The following CYFIP2 variants were observed in gnomAD, a reference collection of about 807,000 sequenced individuals.
CYFIP2 encodes the protein cytoplasmic FMR1 interacting protein 2.
A neutral mutation model predicts 158.7 loss-of-function variants in CYFIP2; 29 were observed. The observed-to-expected ratio is 0.18, with a 90% CI of 0.14 to 0.25. The LOEUF (loss-of-function observed/expected upper bound fraction) is 0.25, where lower values mean the gene tolerates loss of function less well. Ranked by LOEUF, CYFIP2 falls within the 10% of genes least tolerant of loss-of-function variation. The probability of loss-of-function intolerance (pLI) is 1.00; values close to 1 mark genes in which losing one functional copy is unlikely to be tolerated. For synonymous variants in CYFIP2, 585 were observed against 617.6 expected, an observed-to-expected ratio of 0.95 and a Z score of 0.78; for missense variants, 852 against 1,639.5, an observed-to-expected ratio of 0.52 and a Z score of 8.29.
At chr5:157,390,455 GCTCC>G in intron 29 of CYFIP2, 62 bp from the exon 30 acceptor site, 40 of 1,391,642 alleles carry the variant, frequency 2.9e-5, no homozygotes, top group East Asian at 5.0e-5. Context: ...CCAAGATGAG[GCTCC>G]CTCCCTCCCT....
intron 21 of CYFIP2, among the ~76,000 whole-genome samples, chr5:157,337,409 C>T (rs1189490483): frequency 6.6e-6 from 1 of 152,210 alleles, no homozygotes; most frequent in African/African-American, 2.4e-5. Context: ...TCCACCTTTA[C>T]CTGGGCAGGG....
chr5:157,327,883 A>G (rs1188444049), intron 18 of CYFIP2, 90 bp from the exon 19 acceptor site: 2 of 1,278,260 alleles, frequency 1.6e-6, no homozygotes, highest in East Asian at 2.4e-5. Context: ...ACTCTGGGCA[A>G]TCCTGCCTGA....
intron 1 of CYFIP2, among the ~76,000 whole-genome samples, chr5:157,277,876 C>T (rs1756688680): frequency 6.6e-6 from 1 of 152,198 alleles, no homozygotes; most frequent in African/African-American, 2.4e-5. Flanking sequence ...TAGCCTACTA[C>T]ACACCTAGGC....
In CYFIP2 at chr5:157,361,704, AG is replaced by A; in HGVS notation, c.3039+107del. 1 of 1,376,996 alleles carries A rather than the reference AG, an allele frequency of 7.3e-7. No homozygotes were observed. The highest frequency in any genetic ancestry group is 1.0e-6 in the Non-Finnish European group (1 of 1,002,032). 85.3% of individuals were successfully genotyped at this position (1,376,996 alleles called of 1,614,324 possible). A position where few individuals can be genotyped will look rare whatever the true frequency, so the allele number is the denominator to read the frequency against. ...AGCATTGATTTGTGCTTTGAGTACA[AG>A]CTCACATGCTCTTTTCAGTTCATTT... is the stretch of plus-strand genomic sequence containing the variant. On this transcript the variant is annotated intron_variant, in intron 26 of 30. Transcript: ENST00000620254. The surrounding 1 kb of genome is among the most constrained non-coding windows in gnomAD (Gnocchi z 4.4).
intron 1 of CYFIP2, among the ~76,000 whole-genome samples, chr5:157,284,837 C>G (rs1454179038): frequency 6.6e-6 from 1 of 152,134 alleles, no homozygotes; most frequent in East Asian, 1.9e-4. Flanking sequence ...GTTTAATTAG[C>G]CTAAAAACCC....
rs137966198 is a variant in CYFIP2 at position 157,382,700 on chromosome 5, G to A, written c.3112+38G>A. The A allele has an allele frequency of 9.8e-4, 1,567 of 1,595,904 alleles. 9 individuals carry two copies. The highest frequency in any genetic ancestry group is 2.2e-3 in the Middle Eastern group (13 of 6,044). ...TACAGCAGCTGAATAGCCAACTGGC[G>A]TTTGAACCTTATTCTCACTTCCTAA... On this transcript the variant is annotated intron_variant, in intron 27 of 30. Coordinates refer to ENST00000620254, the MANE Select transcript of CYFIP2 (RefSeq NM_001037333.3).
At chr5:157,359,179 A>G in intron 24 of CYFIP2, 31 bp downstream of exon 24, 1 of 1,612,956 alleles carries the variant, frequency 6.2e-7, no homozygotes, top group Non-Finnish European at 8.5e-7. Flanking sequence ...GGCTTGAGAT[A>G]TGCCCATGTG....
chr5:157,359,198 A>G (rs779785313), intron 24 of CYFIP2, 50 bp downstream of exon 24: 6 of 1,602,164 alleles, frequency 3.7e-6, no homozygotes, highest in Non-Finnish European at 5.1e-6. Context: ...TGGGTTTGAC[A>G]TAAACAAAGT....
intron 22 of CYFIP2, among the ~76,000 whole-genome samples, chr5:157,340,748 G>A (rs1762188188): frequency 6.6e-6 from 1 of 152,158 alleles, no homozygotes; most frequent in South Asian, 2.1e-4. Context: ...CTGCTCTTGA[G>A]AAACCAAACT....
At chr5:157,350,764 G>A (rs1291850092) in intron 23 of CYFIP2, among the ~76,000 whole-genome samples, 1 of 152,194 alleles carries the variant, frequency 6.6e-6, no homozygotes, top group Admixed American at 6.5e-5. Context: ...CCATGAGCAT[G>A]GGATGTGTTT....
chr5:157,386,625 T>G (rs1766719908), intron 28 of CYFIP2, among the ~76,000 whole-genome samples: 1 of 152,142 alleles, frequency 6.6e-6, no homozygotes, highest in African/African-American at 2.4e-5. Flanking sequence ...CGATGTTATG[T>G]ATAAGGATGG....
At chr5:157,274,120 A>G (rs1222771183) in intron 1 of CYFIP2, among the ~76,000 whole-genome samples, 4 of 143,834 alleles carry the variant, frequency 2.8e-5, no homozygotes, top group African/African-American at 1.0e-4. Context: ...ACAAGAGTGA[A>G]ACTCTGTGTA....
intron 13 of CYFIP2, among the ~76,000 whole-genome samples, 186 bp from the exon 14 acceptor site, chr5:157,319,576 C>T (rs1477686451): frequency 2.6e-5 from 4 of 152,256 alleles, no homozygotes. Flanking sequence ...TGAATGAAGC[C>T]AAGTGCTGAT....
Position 157,325,523 on chromosome 5 carries a change from C to A in CYFIP2, c.1867C>A (p.Arg623=). 1 of 1,613,178 alleles carries A rather than the reference C, an allele frequency of 6.2e-7. No individual in the cohort carries two copies. The highest frequency in any genetic ancestry group is 1.1e-5 in the South Asian group (1 of 90,804). ...TTGTGACCTCTCCCAGCTCTGGTTC[C>A]GAGAATTCTTCCTGGAGTTAACCAT... ...QCCDLSQLWF[R]EFFLELTMGR... The change falls in exon 17 of 31, where the codon CGA becomes AGA. Residue 623 remains arginine (R), a synonymous_variant. Transcript: ENST00000620254.
intron 1 of CYFIP2, among the ~76,000 whole-genome samples, chr5:157,272,234 C>A (rs1459406728): frequency 6.6e-6 from 1 of 152,176 alleles, no homozygotes; most frequent in African/African-American, 2.4e-5. Context: ...GATTTCTCGG[C>A]TCTGACTGCA....
chr5:157,381,982 G>A (rs577230474), intron 26 of CYFIP2, among the ~76,000 whole-genome samples: 4 of 152,276 alleles, frequency 2.6e-5, no homozygotes, highest in East Asian at 1.9e-4. Context: ...CCTATCTCCC[G>A]TCTTGCCCTA....
intron 13 of CYFIP2, among the ~76,000 whole-genome samples, chr5:157,315,975 A>G (rs1760112194): frequency 6.6e-6 from 1 of 152,206 alleles, no homozygotes; most frequent in Admixed American, 6.5e-5. Context: ...CTATAATCCC[A>G]GCTACTCAGG....
chr5:157,291,023 G>A (rs1040037861), intron 3 of CYFIP2, among the ~76,000 whole-genome samples: 1 of 152,190 alleles, frequency 6.6e-6, no homozygotes, highest in Admixed American at 6.5e-5. Flanking sequence ...TTGGGTTTAA[G>A]TCATGGACTT....
At chr5:157,287,970 A>G (rs893639787) in intron 3 of CYFIP2, among the ~76,000 whole-genome samples, 1 of 152,080 alleles carries the variant, frequency 6.6e-6, no homozygotes, top group Non-Finnish European at 1.5e-5. Context: ...GCACACACCT[A>G]TAGTCGCAGC....
Sources: allele counts gnomAD v4.1 joint callset (sites outside exome capture counted in the v4.1 genomes callset), GRCh38; gene constraint gnomAD v4.1.1; non-coding constraint Gnocchi (gnomAD v3.1); transcripts MANE v1.5; gene names NCBI Gene and HGNC (gene_info 2026-07-23, HGNC 2026-07-21).